The following NFKBIZ variants were observed in gnomAD, a reference collection of about 807,000 sequenced individuals.
NFKBIZ encodes NFKB inhibitor zeta.
NFKBIZ carries 19 observed loss-of-function variants against 76.8 expected under a neutral mutation model. The observed-to-expected ratio is 0.25, with a 90% CI of 0.17 to 0.36. NFKBIZ has a LOEUF of 0.36. Ranked by LOEUF, NFKBIZ falls within the 10% of genes least tolerant of loss-of-function variation. NFKBIZ has a pLI of 1.00. For missense variants in NFKBIZ, 829 were observed against 910.9 expected, an observed-to-expected ratio of 0.91 and a Z score of 1.16; for synonymous variants, 368 against 354.8, an observed-to-expected ratio of 1.04 and a Z score of -0.42.
At chr3:101,850,259 G>C (rs1942932435) in intron 1 of NFKBIZ, 1 of 238,062 alleles carries the variant, frequency 4.2e-6, no homozygotes, top group Non-Finnish European at 8.1e-6. Flanking sequence ...GAGATTTGGG[G>C]TCTGATGTAG....
rs1328526571 is a variant in NFKBIZ, at chr3:101,853,712, A to G, written c.1186A>G (p.Asn396Asp). ...VGHEMASDSS[N>D]TSLPFSNMGN... ...GCACGAGATGGCCTCTGACTCTTCAAACACTTCACTGCCATTCTCAAACAT... is the reference window on the plus strand; with the variant it reads ...GCACGAGATGGCCTCTGACTCTTCAGACACTTCACTGCCATTCTCAAACAT... Residue 396 changes from asparagine to aspartate, a missense_variant, in exon 5 of 12, where the codon AAC becomes GAC. Transcript: ENST00000326172. 2.5e-6 allele frequency: 4 copies of G among 1,614,114 alleles called. No individual in the cohort carries two copies. Among genetic ancestry groups the G allele is most frequent in the African/African-American group, 1.3e-5 (1 of 74,940 alleles).
intron 6 of NFKBIZ, 101 bp from the exon 7 acceptor site, chr3:101,854,961 T>C (rs1446371918): frequency 1.6e-5 from 21 of 1,281,032 alleles, no homozygotes; most frequent in Non-Finnish European, 2.2e-5. Context: ...GGATTTATTT[T>C]CTCTCTGTGG....
At chr3:101,845,508 C>A, upstream of NFKBIZ, among the ~76,000 whole-genome samples, 2 of 151,788 alleles carry the variant, frequency 1.3e-5, 1 homozygote, top group East Asian at 3.9e-4. Flanking sequence ...ATTATATTGC[C>A]CAGACTGGTC....
At chr3:101,837,204 G>A (rs924351363) in intron 2 of NFKBIZ, among the ~76,000 whole-genome samples, 4 of 152,100 alleles carry the variant, frequency 2.6e-5, no homozygotes, top group African/African-American at 9.7e-5. Flanking sequence ...TTTTCTAAGG[G>A]ATCATAATCA....
chr3:101,853,516 A>G lies in NFKBIZ; in HGVS notation c.990A>G (p.Pro330=). The G allele has an allele frequency of 4.3e-6, 7 of 1,614,250 alleles. No homozygotes were observed. In the South Asian group the frequency reaches 7.7e-5, roughly 18 times the overall value. The change falls in exon 5 of 12, where the codon CCA becomes CCG. Residue 330 remains proline, a synonymous_variant. Coordinates refer to ENST00000326172, the MANE Select transcript of NFKBIZ (RefSeq NM_031419.4). ...PAYEPNLFDG[P]ESQFCPNQSL... Reference sequence around the variant, plus strand: ...ATGAACCAAACCTCTTTGATGGTCCAGAATCACAGTTTTGCCCAAACCAAA... The same window carrying G: ...ATGAACCAAACCTCTTTGATGGTCCGGAATCACAGTTTTGCCCAAACCAAA...
At chr3:101,842,912 A>C (rs187426458) in intron 2 of NFKBIZ, among the ~76,000 whole-genome samples, 1 of 151,216 alleles carries the variant, frequency 6.6e-6, no homozygotes, top group African/African-American at 2.4e-5. Flanking sequence ...AACAATTATG[A>C]GTCCAATCTG....
At chr3:101,846,097 G>C (rs80099440), upstream of NFKBIZ, among the ~76,000 whole-genome samples, 1 of 152,276 alleles carries the variant, frequency 6.6e-6, no homozygotes, top group African/African-American at 2.4e-5. Context: ...AAAGTGTCTC[G>C]TAAGACTATA....
At chr3:101,840,600 T>C (rs1045378584) in intron 2 of NFKBIZ, among the ~76,000 whole-genome samples, 1 of 152,230 alleles carries the variant, frequency 6.6e-6, no homozygotes, top group Non-Finnish European at 1.5e-5. Flanking sequence ...ATTTGTTTTG[T>C]TTTCAGTTTA....
At chr3:101,830,174 T>C (rs1055062300) in intron 2 of NFKBIZ, among the ~76,000 whole-genome samples, 1 of 152,242 alleles carries the variant, frequency 6.6e-6, no homozygotes. Flanking sequence ...CTTTCAACCG[T>C]AGGGAATGAA....
chr3:101,857,862 A>C, intron 11 of NFKBIZ: 1 of 927,906 alleles, frequency 1.1e-6, no homozygotes, highest in Non-Finnish European at 1.3e-6. Flanking sequence ...AGTGCTCACA[A>C]TAGTCCCGGG....
In NFKBIZ at chr3:101,853,610, A is replaced by C. The variant is rs1166680996; in HGVS notation, c.1084A>C (p.Ser362Arg). Residue 362 changes from serine (S) to arginine (R), a missense_variant, in exon 5 of 12, where the codon AGT becomes CGT. By Grantham distance (110) the Ser-to-Arg change is moderately radical. Around this residue, in one of 4 missense-constraint regions of NFKBIZ, gnomAD observed 371 missense variants for 332.3 expected, o/e 1.12. Coordinates refer to ENST00000326172, the MANE Select transcript of NFKBIZ (RefSeq NM_031419.4). ...NIANPMQTSS[S>R]VQQQNDAHLH... is the part of the protein sequence containing the mutation. ...TGCTAATCCCATGCAGACTTCCTCCAGTGTTCAGCAGCAAAATGATGCTCA... is the reference window on the plus strand; with the variant it reads ...TGCTAATCCCATGCAGACTTCCTCCCGTGTTCAGCAGCAAAATGATGCTCA... 6.2e-7 allele frequency: 1 copy of C among 1,614,130 alleles called. No homozygotes were observed. The highest frequency in any genetic ancestry group is 8.5e-7 in the Non-Finnish European group (1 of 1,180,060).
Position 101,855,760 on chromosome 3 carries a change from T to C in NFKBIZ, c.1682T>C (p.Ile561Thr). ...DGLTPLHCAV[I>T]AHNAVVHELQ... ...CTGACTCCCCTTCACTGTGCAGTCA[T>C]AGCCCACAATGCTGTGGTCCATGAA... The change falls in exon 9 of 12, where the codon ATA becomes ACA. Residue 561 changes from isoleucine to threonine, a missense_variant. Physicochemically the swap from Ile to Thr is moderately conservative, Grantham distance 89. This residue lies in a region of NFKBIZ where 272 missense variants were observed against 384.2 expected (regional missense o/e 0.71). Transcript: ENST00000326172. The C allele has an allele frequency of 6.2e-7, 1 of 1,611,726 alleles. No individual in the cohort carries two copies. Among genetic ancestry groups the C allele is most frequent in the Non-Finnish European group, 8.5e-7 (1 of 1,179,238 alleles).
chr3:101,849,662 G>A lies in NFKBIZ; in HGVS notation c.34G>A (p.Gly12Ser), dbSNP rs1942915427. 7.1e-7 allele frequency: 1 copy of A among 1,399,208 alleles called. No individual in the cohort carries two copies. Among genetic ancestry groups the A allele is most frequent in the South Asian group, 1.6e-5 (1 of 61,202 alleles). 86.7% of individuals were successfully genotyped at this position (1,399,208 alleles called of 1,614,324 possible). A position where few individuals can be genotyped will look rare whatever the true frequency, so the allele number is the denominator to read the frequency against. Residue 12 changes from glycine (G) to serine (S), a missense_variant, in exon 1 of 12, where the codon GGC becomes AGC. By Grantham distance (56) the Gly-to-Ser change is moderately conservative (BLOSUM62 0). This residue lies in a region of NFKBIZ where 181 missense variants were observed against 175.3 expected (regional missense o/e 1.03). Coordinates refer to ENST00000326172, the MANE Select transcript of NFKBIZ (RefSeq NM_031419.4). Reference protein sequence around the residue: ...IVDKLLDDSRGGEGLRDAAGG... With the variant: ...IVDKLLDDSRSGEGLRDAAGG... Reference sequence around the variant, plus strand: ...GGACAAGCTGCTGGACGACAGCCGCGGCGGAGAGGGGCTGCGGGACGCGGC... The same window carrying A: ...GGACAAGCTGCTGGACGACAGCCGCAGCGGAGAGGGGCTGCGGGACGCGGC...
chr3:101,845,807 T>A (rs934363915), upstream of NFKBIZ, among the ~76,000 whole-genome samples: 26 of 152,364 alleles, frequency 1.7e-4, no homozygotes, highest in South Asian at 8.3e-4. Flanking sequence ...TGGATTAGAT[T>A]TCTCCCCTCT....
At chr3:101,849,240 G>GGAGGGAA (rs1560086210), upstream of NFKBIZ, 15 of 152,006 alleles carry the variant, frequency 9.9e-5, no homozygotes, top group African/African-American at 3.2e-4. Flanking sequence ...GGAGGCGGGA[G>GGAGGGAA]GCGGGAAGCG....
At chr3:101,857,836 G>T in intron 11 of NFKBIZ, 1 of 976,450 alleles carries the variant, frequency 1.0e-6, no homozygotes, top group Non-Finnish European at 1.2e-6. Flanking sequence ...GATATTAAAT[G>T]AGTTGTTACA....
intron 2 of NFKBIZ, among the ~76,000 whole-genome samples, chr3:101,839,962 T>C (rs1181087272): frequency 6.6e-6 from 1 of 152,106 alleles, no homozygotes; most frequent in Non-Finnish European, 1.5e-5. Context: ...GTCTAGAATC[T>C]GCGGATTTGT....
At chr3:101,849,966 G>A in intron 1 of NFKBIZ, 49 bp downstream of exon 1, 1 of 1,342,598 alleles carries the variant, frequency 7.4e-7, no homozygotes, top group Non-Finnish European at 9.5e-7. Flanking sequence ...GCACGCCTAG[G>A]AGGTTGGGAG....
At chr3:101,857,648 T>C in intron 11 of NFKBIZ, 189 bp downstream of exon 11, 1 of 985,420 alleles carries the variant, frequency 1.0e-6, no homozygotes, top group African/African-American at 1.7e-5. Context: ...TTAAGAAATT[T>C]GAGGGATTAT....
Sources: allele counts gnomAD v4.1 joint callset (sites outside exome capture counted in the v4.1 genomes callset), GRCh38; gene constraint gnomAD v4.1.1; regional missense constraint gnomAD v4.1.1; transcripts MANE v1.5; gene names NCBI Gene and HGNC (gene_info 2026-07-23, HGNC 2026-07-21).